CLUH: variants seen among roughly 807,000 people sequenced by gnomAD.
The protein encoded by CLUH is clustered mitochondria protein homolog.
A neutral mutation model predicts 139.3 loss-of-function variants in CLUH; 77 were observed. The ratio of observed to expected loss-of-function variants is 0.55; its 90% CI spans 0.46 to 0.67. The LOEUF (loss-of-function observed/expected upper bound fraction) is 0.67. Ranked by LOEUF, CLUH falls within the 30% of genes least tolerant of loss-of-function variation. The pLI is 0.00. For synonymous variants in CLUH, 999 were observed against 801.6 expected, an observed-to-expected ratio of 1.25 and a Z score of -4.16; for missense variants, 1,876 against 1,875.8, an observed-to-expected ratio of 1.00 and a Z score of 0.00.
At position 2,695,214 on chromosome 17, in the gene CLUH, G is replaced by T; in HGVS notation, c.2607+4C>A. On this transcript the variant is annotated splice_donor_region_variant and intron_variant, in intron 15 of 25. Coordinates refer to ENST00000651024, the MANE Select transcript of CLUH (RefSeq NM_001366661.1). ...TGGCCAGCCGCAGAGCGGACGGGTG[G>T]CACCTGTAAGTACGTCTTGAAGATG... The T allele has an allele frequency of 6.2e-7, 1 of 1,613,876 alleles. No homozygotes were observed.
In CLUH at chr17:2,701,124, G is replaced by A. The variant is rs373104145; in HGVS notation, c.1025+16C>T. On this transcript the variant is annotated intron_variant, in intron 7 of 25. Transcript: ENST00000651024. ...CGTGTGCCATGAGACAAGGCGGGAG[G>A]GGACAAAGGCACTACCTTTTCTTCT... 1.2e-6 allele frequency: 2 copies of A among 1,613,624 alleles called. No individual in the cohort carries two copies. The highest frequency in any genetic ancestry group is 1.7e-6 in the Non-Finnish European group (2 of 1,179,856).
chr17:2,710,314 C>A (rs1488853020), intron 1 of CLUH, among the ~76,000 whole-genome samples: 1 of 152,206 alleles, frequency 6.6e-6, no homozygotes, highest in East Asian at 1.9e-4. Flanking sequence ...TGCTCTTCTG[C>A]CCAAACCTTG....
intron 16 of CLUH, 101 bp from the exon 17 acceptor site, chr17:2,694,665 A>G (rs1427012953): frequency 1.5e-6 from 2 of 1,317,780 alleles, no homozygotes; most frequent in Admixed American, 2.2e-5. Flanking sequence ...GGCCCCCAAC[A>G]CTGCCCCACC....
chr17:2,691,579 G>C, intron 25 of CLUH, 30 bp downstream of exon 25: 1 of 1,602,256 alleles, frequency 6.2e-7, no homozygotes, highest in Non-Finnish European at 8.5e-7. Flanking sequence ...CCCCCAACCG[G>C]GAGACACTCG....
intron 1 of CLUH, among the ~76,000 whole-genome samples, chr17:2,705,730 A>G (rs1158595538): frequency 6.6e-6 from 1 of 152,162 alleles, no homozygotes; most frequent in Non-Finnish European, 1.5e-5. Context: ...CAGGCTCAAC[A>G]AAAAAGGCAA....
intron 16 of CLUH, 91 bp from the exon 17 acceptor site, chr17:2,694,655 G>A (rs2069858479): frequency 6.5e-6 from 9 of 1,386,494 alleles, no homozygotes; most frequent in Admixed American, 4.2e-5. Flanking sequence ...GTCCAGCCCG[G>A]GCCCCCAACA....
In CLUH at chr17:2,690,793, G is replaced by A. The variant is rs891064376; in HGVS notation, c.3864-16C>T. ...GTCTTTTTGGCTGAGGATAAGGGTGGGGATGGAGGTGGCTCTCAGAGGAGT... is the reference window on the plus strand; with the variant it reads ...GTCTTTTTGGCTGAGGATAAGGGTGAGGATGGAGGTGGCTCTCAGAGGAGT... On this transcript the variant is annotated splice_polypyrimidine_tract_variant and intron_variant, in intron 25 of 25. Transcript: ENST00000651024. The A allele has an allele frequency of 6.8e-7, 1 of 1,472,334 alleles. No homozygotes were observed. The highest frequency in any genetic ancestry group is 8.9e-7 in the Non-Finnish European group (1 of 1,119,146). 91.2% of individuals were successfully genotyped at this position (1,472,334 alleles called of 1,614,324 possible). A position where few individuals can be genotyped will look rare whatever the true frequency, so the allele number is the denominator to read the frequency against.
intron 25 of CLUH, 65 bp from the exon 26 acceptor site, chr17:2,690,842 G>C: frequency 7.7e-7 from 1 of 1,304,684 alleles, no homozygotes. Context: ...CCCGCCTCCC[G>C]GCTTTCCTGT....
chr17:2,690,696 G>A lies in CLUH; in HGVS notation c.3945C>T (p.Ala1315=), dbSNP rs778665976. 2.7e-5 allele frequency: 42 copies of A among 1,564,194 alleles called. No individual in the cohort carries two copies. Among genetic ancestry groups the A allele is most frequent in the Middle Eastern group, 1.7e-4 (1 of 5,808 alleles). ...LQEASRNRDR[A]EEPMATEPAP... ...CGGGCTCGGTAGCCATGGGCTCCTC[G>A]GCTCTATCCCTGTTTCTGCTGGCCT... Residue 1315 remains alanine (A), a synonymous_variant, in exon 26 of 26, where the codon GCC becomes GCT. Transcript: ENST00000651024.
chr17:2,710,673 G>A (rs369711373), intron 1 of CLUH, among the ~76,000 whole-genome samples: 2 of 152,124 alleles, frequency 1.3e-5, no homozygotes, highest in Admixed American at 6.5e-5. Context: ...GGAACAGAAG[G>A]AAGAGAAGGG....
chr17:2,696,094 G>A (rs551305719), intron 13 of CLUH, 65 bp downstream of exon 13: 21 of 1,326,878 alleles, frequency 1.6e-5, no homozygotes, highest in Middle Eastern at 2.4e-4. Flanking sequence ...CCTCCAAGTC[G>A]GAGACAGATG....
Position 2,691,950 on chromosome 17 carries a change from CGCCCCGCCA to C in CLUH, c.3654+45_3654+53del, listed in dbSNP as rs1567575623. Reference sequence around the variant, plus strand: ...CCCCGTGCCCCCGCGGCCCCGCCCCCGCCCCGCCACGCCCCCGCCCCGCCCCCGCCCCCG... The same window carrying C: ...CCCCGTGCCCCCGCGGCCCCGCCCCCCGCCCCCGCCCCGCCCCCGCCCCCG... On this transcript the variant is annotated intron_variant, in intron 23 of 25. Transcript: ENST00000651024. The C allele has an allele frequency of 1.2e-4, 137 of 1,097,290 alleles. 12 individuals are homozygous for C. Among genetic ancestry groups the C allele is most frequent in the African/African-American group, 6.8e-4 (31 of 45,386 alleles). The allele number at this position is 1,097,290 out of a possible 1,614,324, so 68.0% of individuals were successfully genotyped here.
intron 11 of CLUH, 48 bp from the exon 12 acceptor site, chr17:2,696,586 G>A: frequency 6.5e-7 from 1 of 1,534,078 alleles, no homozygotes; most frequent in Non-Finnish European, 8.8e-7. Context: ...TGCCACCGGT[G>A]GAGCTGGGCT....
chr17:2,692,773 G>C lies in CLUH; in HGVS notation c.3312+7C>G. The stretch of plus-strand genomic sequence containing the variant: ...ATCCCCCGGCGCGGGCGGCACTCGC[G>C]ACTCACGTATTCCTGGATGGTGTTG... On this transcript the variant is annotated splice_region_variant and intron_variant, in intron 20 of 25. Transcript: ENST00000651024. 1 of 1,600,604 alleles carries C rather than the reference G, an allele frequency of 6.2e-7. No individual in the cohort carries two copies. Among genetic ancestry groups the C allele is most frequent in the Non-Finnish European group, 8.5e-7 (1 of 1,170,952 alleles).
chr17:2,692,467 C>T lies in CLUH; in HGVS notation c.3454G>A (p.Val1152Met), dbSNP rs1452786743. 3.1e-6 allele frequency: 5 copies of T among 1,599,604 alleles called. No individual in the cohort carries two copies. Among genetic ancestry groups the T allele is most frequent in the Non-Finnish European group, 4.2e-6 (5 of 1,178,156 alleles). The change falls in exon 22 of 26, where the codon GTG becomes ATG. Residue 1152 changes from valine to methionine, a missense_variant. By Grantham distance (21) the Val-to-Met change is conservative (BLOSUM62 1). This residue lies in a region of CLUH where 1,454 missense variants were observed against 1,384.4 expected (regional missense o/e 1.05). Coordinates refer to ENST00000651024, the MANE Select transcript of CLUH (RefSeq NM_001366661.1). ...MALLDNNIGL[V>M]LHGVMEYDLS... is the part of the protein sequence containing the mutation. ...TCGTACTCCATCACCCCGTGCAGCA[C>T]CAGCCCGATGTTGTTCTGGGGGCAG...
At chr17:2,710,249 C>G (rs1480870519) in intron 1 of CLUH, among the ~76,000 whole-genome samples, 1 of 152,248 alleles carries the variant, frequency 6.6e-6, no homozygotes, top group Non-Finnish European at 1.5e-5. Context: ...AGCCTGCCCC[C>G]ACTGATTCAG....
chr17:2,691,990 C>A lies in CLUH; in HGVS notation c.3654+14G>T. On this transcript the variant is annotated intron_variant, in intron 23 of 25. Coordinates refer to ENST00000651024, the MANE Select transcript of CLUH (RefSeq NM_001366661.1). The stretch of plus-strand genomic sequence containing the variant: ...CCGCCCCGCCCCCGCCCCCGCCACG[C>A]CCCCGCCGCGCACCTGCGTCTTGTA... 1 of 1,353,836 alleles carries A rather than the reference C, an allele frequency of 7.4e-7. No homozygotes were observed. Among genetic ancestry groups the A allele is most frequent in the Non-Finnish European group, 9.7e-7 (1 of 1,031,512 alleles). The allele number at this position is 1,353,836 out of a possible 1,614,324, so 83.9% of individuals were successfully genotyped here.
chr17:2,708,088 C>T (rs1324634392), intron 1 of CLUH: 2 of 836,370 alleles, frequency 2.4e-6, no homozygotes, highest in African/African-American at 3.7e-5. Context: ...AGGAGGTGCC[C>T]AGCTGGCCAG....
At chr17:2,694,785 C>T in intron 16 of CLUH, 72 bp downstream of exon 16, 1 of 1,457,438 alleles carries the variant, frequency 6.9e-7, no homozygotes, top group Non-Finnish European at 9.1e-7. Flanking sequence ...CCTTAGACGC[C>T]ATCTGGGAGC....
Sources: gnomAD v4.1 joint callset for allele counts (sites outside exome capture counted in the v4.1 genomes callset) on GRCh38, gnomAD v4.1.1 for gene constraint, gnomAD v4.1.1 regional missense constraint, MANE v1.5 for transcripts, NCBI Gene and HGNC (gene_info 2026-07-23, HGNC 2026-07-21) for gene names.